C1QTNF7: variants seen among roughly 807,000 people sequenced by gnomAD.
C1QTNF7 encodes the protein C1q and TNF related 7.
In C1QTNF7, 15 loss-of-function variants were observed where a neutral mutation model predicts 19.6. The observed-to-expected ratio is 0.76, with a 90% CI of 0.51 to 1.18. The LOEUF (loss-of-function observed/expected upper bound fraction) is 1.18. Among genes scored for constraint, C1QTNF7 ranks in the 50% most tolerant of loss-of-function variants. The pLI is 0.00. For synonymous variants in C1QTNF7, 142 were observed against 137.5 expected (o/e 1.03, Z -0.23); for missense variants, 324 against 359.7 (o/e 0.90, Z 0.80).
At chr4:15,409,627 C>T (rs760574720) in intron 1 of C1QTNF7, among the ~76,000 whole-genome samples, 6 of 151,976 alleles carry the variant, frequency 3.9e-5, no homozygotes, top group East Asian at 1.9e-4. Context: ...GCAGAATCAC[C>T]AGGAGGGTCT....
chr4:15,384,980 C>T (rs1366250174), intron 1 of C1QTNF7, among the ~76,000 whole-genome samples: 2 of 152,210 alleles, frequency 1.3e-5, no homozygotes, highest in African/African-American at 4.8e-5. Context: ...CCAAGAAGGG[C>T]ATTCTCTTGT....
At chr4:15,413,186 C>T (rs1337090537) in intron 1 of C1QTNF7, among the ~76,000 whole-genome samples, 3 of 152,238 alleles carry the variant, frequency 2.0e-5, no homozygotes, top group Non-Finnish European at 4.4e-5. Context: ...CTCCTGCACA[C>T]AACCTCCATA....
intron 1 of C1QTNF7, among the ~76,000 whole-genome samples, chr4:15,421,751 A>G (rs1265937789): frequency 6.6e-6 from 1 of 152,182 alleles, no homozygotes; most frequent in African/African-American, 2.4e-5. Flanking sequence ...AATAATACCT[A>G]CTTCGCTAAG....
chr4:15,408,176 G>A (rs1159472844), intron 1 of C1QTNF7, among the ~76,000 whole-genome samples: 1 of 150,974 alleles, frequency 6.6e-6, no homozygotes, highest in Non-Finnish European at 1.5e-5. Flanking sequence ...GGGAGGCTGA[G>A]GCAGAAGAAT....
chr4:15,383,016 C>T (rs1413489398), intron 1 of C1QTNF7, among the ~76,000 whole-genome samples: 1 of 152,194 alleles, frequency 6.6e-6, no homozygotes, highest in Admixed American at 6.5e-5. Flanking sequence ...TTTCTCCAGA[C>T]TTAGGAGCCT....
intron 1 of C1QTNF7, among the ~76,000 whole-genome samples, chr4:15,362,927 T>C (rs1717393880): frequency 6.6e-6 from 1 of 152,144 alleles, no homozygotes; most frequent in Admixed American, 6.5e-5. Context: ...TCATTATCAT[T>C]ATGATTTTGC....
At chr4:15,423,822 T>TC (rs373811044), upstream of C1QTNF7, among the ~76,000 whole-genome samples, 59 of 152,184 alleles carry the variant, frequency 3.9e-4, no homozygotes, top group African/African-American at 1.3e-3. Flanking sequence ...GCCTACCGTT[T>TC]CCCCCCCTTT....
chr4:15,435,299 A>G (rs1323817281), intron 1 of C1QTNF7, among the ~76,000 whole-genome samples: 4 of 152,224 alleles, frequency 2.6e-5, no homozygotes, highest in Non-Finnish European at 4.4e-5. Context: ...TAGTATAGAC[A>G]AAAGAGACTG....
chr4:15,440,114 T>A (rs1043610043), intron 2 of C1QTNF7, among the ~76,000 whole-genome samples: 1 of 152,150 alleles, frequency 6.6e-6, no homozygotes, highest in East Asian at 1.9e-4. Context: ...TTTCTGTATT[T>A]AGCCTATAGT....
At chr4:15,386,571 G>A (rs1718344222) in intron 1 of C1QTNF7, among the ~76,000 whole-genome samples, 1 of 152,178 alleles carries the variant, frequency 6.6e-6, no homozygotes, top group East Asian at 1.9e-4. Context: ...AGAAAAGGGG[G>A]TGTGGAATGG....
At chr4:15,391,187 T>G (rs556049479) in intron 1 of C1QTNF7, among the ~76,000 whole-genome samples, 1 of 151,754 alleles carries the variant, frequency 6.6e-6, no homozygotes, top group African/African-American at 2.4e-5. Flanking sequence ...ATGACTGTTG[T>G]ATGTATGTTG....
intron 1 of C1QTNF7, among the ~76,000 whole-genome samples, chr4:15,350,409 AT>A (rs1461196924): frequency 1.1e-4 from 5 of 47,040 alleles, no homozygotes; most frequent in Non-Finnish European, 1.8e-4. Context: ...AAAGTTACTC[AT>A]TTTCTTTCCC....
intron 1 of C1QTNF7, among the ~76,000 whole-genome samples, chr4:15,368,507 T>A (rs1406362481): frequency 6.6e-6 from 1 of 152,174 alleles, no homozygotes; most frequent in Non-Finnish European, 1.5e-5. Context: ...GTTCTCATTG[T>A]TCAATTCCCA....
intron 1 of C1QTNF7, among the ~76,000 whole-genome samples, chr4:15,396,146 C>T (rs1718771767): frequency 1.3e-5 from 2 of 152,180 alleles, no homozygotes. Context: ...GTCATTCCAA[C>T]TTGACCAGGG....
At chr4:15,431,025 A>G (rs1172135227) in intron 1 of C1QTNF7, among the ~76,000 whole-genome samples, 1 of 151,660 alleles carries the variant, frequency 6.6e-6, no homozygotes, top group Non-Finnish European at 1.5e-5. Context: ...TCATGTCATA[A>G]GCCATTTGTA....
intron 1 of C1QTNF7, among the ~76,000 whole-genome samples, chr4:15,415,791 A>G (rs1013109434): frequency 4.6e-5 from 7 of 152,224 alleles, no homozygotes; most frequent in Admixed American, 1.3e-4. Flanking sequence ...GTTACAAACC[A>G]GAGACACTAT....
chr4:15,411,893 C>T (rs1207603960), intron 1 of C1QTNF7, among the ~76,000 whole-genome samples: 2 of 60,644 alleles, frequency 3.3e-5, no homozygotes, highest in East Asian at 2.0e-3. Flanking sequence ...AACCACGCAC[C>T]GGTACTGGTG....
In C1QTNF7 at chr4:15,440,406, CTTT is replaced by C. The variant is rs58931762; in HGVS notation, c.239-1745_239-1743del. 6.9e-3 allele frequency among the ~76,000 whole-genome samples: 941 copies of C among 136,602 alleles called. 3 individuals are homozygous for C. Among genetic ancestry groups the C allele is most frequent in the Middle Eastern group, 0.03 (8 of 268 alleles). The allele number at this position is 136,602 out of a possible 152,430, so 89.6% of individuals were successfully genotyped here. On this transcript the variant is annotated intron_variant, in intron 2 of 2. Transcript: ENST00000444304. Reference sequence around the variant, plus strand: ...AGTCCTAGCATTGGTACAGAAGCAACTTTTTTTTTTTTTTTTTTTGATACTGAG... The same window carrying C: ...AGTCCTAGCATTGGTACAGAAGCAACTTTTTTTTTTTTTTTTGATACTGAG...
intron 2 of C1QTNF7, among the ~76,000 whole-genome samples, chr4:15,438,681 A>G (rs1053939937): frequency 6.6e-6 from 1 of 152,244 alleles, no homozygotes; most frequent in South Asian, 2.1e-4. Flanking sequence ...TTCAGATAAC[A>G]CTAGAATAAC....
Sources: allele counts gnomAD v4.1 joint callset (sites outside exome capture counted in the v4.1 genomes callset), GRCh38; gene constraint gnomAD v4.1.1; transcripts MANE v1.5; gene names NCBI Gene and HGNC (gene_info 2026-07-23, HGNC 2026-07-21).